CNGB3: variants seen among roughly 807,000 people sequenced by gnomAD.
The protein encoded by CNGB3 is cyclic nucleotide-gated channel beta-3.
CNGB3 carries 86 observed loss-of-function variants against 92.8 expected under a neutral mutation model. The ratio of observed to expected loss-of-function variants is 0.93; its 90% CI spans 0.78 to 1.11. The LOEUF (loss-of-function observed/expected upper bound fraction) is 1.11. Ranked by LOEUF, CNGB3 falls within the 50% of genes least tolerant of loss-of-function variation. The pLI is 0.00. For synonymous variants in CNGB3, 333 were observed against 332.7 expected (o/e 1.00, Z -0.01); for missense variants, 1,026 against 956.8 (o/e 1.07, Z -0.95).
chr8:86,707,379 G>A (rs1010095887), intron 3 of CNGB3, among the ~76,000 whole-genome samples: 1 of 152,192 alleles, frequency 6.6e-6, no homozygotes, highest in African/African-American at 2.4e-5. Flanking sequence ...AAGAGTGAAA[G>A]GTATTGGTAT....
At chr8:86,691,916 G>A (rs1354000563) in intron 3 of CNGB3, among the ~76,000 whole-genome samples, 1 of 151,856 alleles carries the variant, frequency 6.6e-6, no homozygotes, top group Non-Finnish European at 1.5e-5. Flanking sequence ...AGGTTTTGAT[G>A]GGTTATGTCA....
chr8:86,602,033 T>C (rs1399214318), intron 15 of CNGB3, among the ~76,000 whole-genome samples: 2 of 152,218 alleles, frequency 1.3e-5, no homozygotes, highest in East Asian at 1.9e-4. Flanking sequence ...CTTGTATTTA[T>C]AAAGCTTATT....
At position 86,702,337 on chromosome 8, in the gene CNGB3, C is replaced by T. The variant is rs545703817; in HGVS notation, c.338+24194G>A. ...TTAAGGCTATTCTGTATTGTTCTAT[C>T]ATTGGGCATTTAAGATGAATACACA... On this transcript the variant is annotated intron_variant, in intron 3 of 17. Coordinates refer to ENST00000320005, the MANE Select transcript of CNGB3 (RefSeq NM_019098.5). Among the ~76,000 whole-genome samples the T allele has an allele frequency of 4.6e-5, 7 of 152,274 alleles. 1 individual carries two copies. In the South Asian group the frequency reaches 8.3e-4, roughly 18 times the overall value.
At position 86,643,809 on chromosome 8, in the gene CNGB3, C is replaced by T; in HGVS notation, c.1120G>A (p.Ala374Thr). 6.2e-7 allele frequency: 1 copy of T among 1,606,538 alleles called. No individual in the cohort carries two copies. The highest frequency in any genetic ancestry group is 1.7e-5 in the Admixed American group (1 of 59,384). The change falls in exon 10 of 18, where the codon GCT becomes ACT. Residue 374 changes from alanine to threonine, a missense_variant. Ala to Thr is a moderately conservative substitution (Grantham distance 58). Transcript: ENST00000320005. Reference protein sequence around the residue: ...LHINACVYYWASNYEGIGTTR... With the variant: ...LHINACVYYWTSNYEGIGTTR... ...GTGCCAATTCCTTCATAGTTTGAAG[C>T]CCAGTAATAAACACAGGCATTAATG...
At chr8:86,743,268 T>C (rs1825372383) in intron 1 of CNGB3, among the ~76,000 whole-genome samples, 1 of 152,246 alleles carries the variant, frequency 6.6e-6, no homozygotes, top group Non-Finnish European at 1.5e-5. Flanking sequence ...ATGAGAAGTC[T>C]TACTTGGCTT....
chr8:86,645,183 C>T (rs1158108367), intron 8 of CNGB3, among the ~76,000 whole-genome samples: 12 of 151,166 alleles, frequency 7.9e-5, no homozygotes, highest in Non-Finnish European at 1.2e-4. Flanking sequence ...TAGCATTGGC[C>T]GTTCTTGACA....
intron 2 of CNGB3, among the ~76,000 whole-genome samples, chr8:86,727,498 G>A (rs926736284): frequency 2.6e-5 from 4 of 152,030 alleles, no homozygotes; most frequent in African/African-American, 9.7e-5. Flanking sequence ...AAACTAATAT[G>A]TACTAGCTTT....
chr8:86,603,376 T>C (rs1011136031), intron 15 of CNGB3, among the ~76,000 whole-genome samples: 2 of 152,186 alleles, frequency 1.3e-5, no homozygotes, highest in African/African-American at 4.8e-5. Context: ...AATGAATAAA[T>C]GTGATAATGC....
chr8:86,578,599 T>C (rs2131531888), intron 17 of CNGB3, 90 bp downstream of exon 17: 3 of 1,204,810 alleles, frequency 2.5e-6, no homozygotes, highest in Middle Eastern at 2.8e-4. Context: ...CATCCCAGTG[T>C]CTGAAATGGA....
At chr8:86,672,701 T>G (rs1173661120) in intron 3 of CNGB3, among the ~76,000 whole-genome samples, 2 of 152,194 alleles carry the variant, frequency 1.3e-5, no homozygotes. Flanking sequence ...CCCCTCTCCA[T>G]GAACCCCTTC....
chr8:86,642,888 G>T (rs2131593446), intron 10 of CNGB3, among the ~76,000 whole-genome samples: 1 of 151,584 alleles, frequency 6.6e-6, no homozygotes, highest in South Asian at 2.1e-4. Flanking sequence ...TTGAGTTAGT[G>T]GTTATAGCTG....
chr8:86,599,177 T>C (rs961739438), intron 15 of CNGB3, among the ~76,000 whole-genome samples: 4 of 152,240 alleles, frequency 2.6e-5, no homozygotes, highest in Non-Finnish European at 5.9e-5. Flanking sequence ...TAATTTCTTA[T>C]GCCTGTCTCT....
intron 3 of CNGB3, among the ~76,000 whole-genome samples, chr8:86,709,718 A>C (rs1259313033): frequency 6.6e-6 from 1 of 152,170 alleles, no homozygotes; most frequent in Non-Finnish European, 1.5e-5. Flanking sequence ...AAATGAAAAC[A>C]TTACCTTTCA....
At chr8:86,710,818 A>G (rs1458081956) in intron 3 of CNGB3, among the ~76,000 whole-genome samples, 1 of 152,216 alleles carries the variant, frequency 6.6e-6, no homozygotes, top group African/African-American at 2.4e-5. Context: ...AAAATATAAA[A>G]GTGATTCTTC....
In CNGB3 at chr8:86,631,128, T is replaced by C. The variant is rs11995903; in HGVS notation, c.1320+1624A>G. 4.5e-3 allele frequency among the ~76,000 whole-genome samples: 680 copies of C among 152,308 alleles called. 7 individuals are homozygous for C. The highest frequency in any genetic ancestry group is 0.016 in the African/African-American group (648 of 41,566). ...GTTCCTATTGGAACCTCAAATCCAATTTAAAAGCAGATGTGGTGTGGTGTA... is the reference window on the plus strand; with the variant it reads ...GTTCCTATTGGAACCTCAAATCCAACTTAAAAGCAGATGTGGTGTGGTGTA... On this transcript the variant is annotated intron_variant, in intron 11 of 17. Transcript: ENST00000320005.
At chr8:86,726,369 C>T (rs1825060678) in intron 3 of CNGB3, among the ~76,000 whole-genome samples, 162 bp downstream of exon 3, 1 of 152,152 alleles carries the variant, frequency 6.6e-6, no homozygotes, top group Non-Finnish European at 1.5e-5. Context: ...ATGAACTGGA[C>T]AGAACCAACC....
chr8:86,680,788 G>T (rs1179713357), intron 3 of CNGB3, among the ~76,000 whole-genome samples: 1 of 152,146 alleles, frequency 6.6e-6, no homozygotes, highest in Admixed American at 6.6e-5. Flanking sequence ...AAGTTGTGGG[G>T]TGAGGAGGGG....
At chr8:86,619,715 C>T (rs533382863) in intron 13 of CNGB3, among the ~76,000 whole-genome samples, 36 of 141,292 alleles carry the variant, frequency 2.5e-4, no homozygotes, top group South Asian at 4.6e-4. Context: ...CAAAGGATTG[C>T]CTTGGTCTTG....
intron 13 of CNGB3, among the ~76,000 whole-genome samples, chr8:86,617,714 T>C (rs1334730568): frequency 6.6e-6 from 1 of 152,196 alleles, no homozygotes; most frequent in South Asian, 2.1e-4. Context: ...GCAATAGTTC[T>C]AATTTTCTAG....
Sources: gnomAD v4.1 joint callset for allele counts (sites outside exome capture counted in the v4.1 genomes callset) on GRCh38, gnomAD v4.1.1 for gene constraint, MANE v1.5 for transcripts, NCBI Gene and HGNC (gene_info 2026-07-23, HGNC 2026-07-21) for gene names.